Variants in CACNA1E observed in about 807,000 individuals in gnomAD.
CACNA1E encodes voltage-dependent R-type calcium channel subunit alpha-1E.
A neutral mutation model predicts 259.2 loss-of-function variants in CACNA1E; 40 were observed. The ratio of observed to expected loss-of-function variants is 0.15; its 90% CI spans 0.12 to 0.20. The LOEUF (loss-of-function observed/expected upper bound fraction) is 0.20. CACNA1E is among the 10% of genes least tolerant of loss of function. The pLI is 1.00. For missense variants in CACNA1E, 1,874 were observed against 3,040.1 expected, an observed-to-expected ratio of 0.62 and a Z score of 9.02; for synonymous variants, 1,104 against 1,138.5, an observed-to-expected ratio of 0.97 and a Z score of 0.61.
At chr1:181,598,632 C>T (rs969994981) in intron 6 of CACNA1E, among the ~76,000 whole-genome samples, 1 of 152,176 alleles carries the variant, frequency 6.6e-6, no homozygotes, top group Non-Finnish European at 1.5e-5. Context: ...TCAGGGAAAT[C>T]ATCTCATTAC....
intron 32 of CACNA1E, among the ~76,000 whole-genome samples, chr1:181,760,450 G>A (rs768954793): frequency 6.6e-6 from 1 of 152,080 alleles, no homozygotes; most frequent in Non-Finnish European, 1.5e-5. Flanking sequence ...TGCCATTATT[G>A]TTGTTGTTAT....
chr1:181,523,070 G>C (rs1015165334), intron 3 of CACNA1E, among the ~76,000 whole-genome samples: 1 of 152,236 alleles, frequency 6.6e-6, no homozygotes, highest in African/African-American at 2.4e-5. Flanking sequence ...GTGTGTATGA[G>C]AGACTCATTC....
chr1:181,432,922 CA>C (rs1383062273), intron 2 of CACNA1E, among the ~76,000 whole-genome samples: 1 of 152,118 alleles, frequency 6.6e-6, no homozygotes, highest in African/African-American at 2.4e-5. Context: ...TCCAATGCAC[CA>C]AAAATATTAT....
At chr1:181,676,350 T>C (rs1015208960) in intron 7 of CACNA1E, among the ~76,000 whole-genome samples, 1 of 152,216 alleles carries the variant, frequency 6.6e-6, no homozygotes, top group African/African-American at 2.4e-5. Context: ...TTCCTCATTA[T>C]AATGGCCAGG....
chr1:181,604,562 T>G (rs1194413012), intron 6 of CACNA1E, among the ~76,000 whole-genome samples: 2 of 152,234 alleles, frequency 1.3e-5, no homozygotes, highest in African/African-American at 4.8e-5. Context: ...GTGCCAGGCC[T>G]CACACTGCAT....
chr1:181,614,523 A>G (rs1655036301), intron 6 of CACNA1E, among the ~76,000 whole-genome samples: 1 of 152,226 alleles, frequency 6.6e-6, no homozygotes, highest in Non-Finnish European at 1.5e-5. Context: ...AGAGATGATT[A>G]TTGTCACATG....
chr1:181,676,235 T>C (rs1310295953), intron 7 of CACNA1E, among the ~76,000 whole-genome samples: 1 of 152,148 alleles, frequency 6.6e-6, no homozygotes, highest in African/African-American at 2.4e-5. Flanking sequence ...CATACTCAAA[T>C]TGGAAATGCA....
chr1:181,336,772 T>G (rs1306735892), intron 1 of CACNA1E, among the ~76,000 whole-genome samples: 1 of 152,086 alleles, frequency 6.6e-6, no homozygotes, highest in Non-Finnish European at 1.5e-5. Context: ...ACTTTCTGTC[T>G]CTCTGAATTT....
At chr1:181,667,616 A>T (rs929554962) in intron 7 of CACNA1E, among the ~76,000 whole-genome samples, 6 of 152,168 alleles carry the variant, frequency 3.9e-5, no homozygotes. Context: ...GAGGGGAGGT[A>T]GAGAAGAAAA....
At chr1:181,445,025 T>C (rs1354035529) in intron 2 of CACNA1E, among the ~76,000 whole-genome samples, 1 of 152,136 alleles carries the variant, frequency 6.6e-6, no homozygotes, top group Non-Finnish European at 1.5e-5. Context: ...TAGTTTTAGA[T>C]ATGTTCCTAA....
At chr1:181,797,294 A>C (rs1661895875) in intron 47 of CACNA1E, among the ~76,000 whole-genome samples, 2 of 152,346 alleles carry the variant, frequency 1.3e-5, no homozygotes, top group South Asian at 4.1e-4. Context: ...CAGCCGTCCC[A>C]GCAAGATCAT....
At chr1:181,470,637 T>G (rs1348755518) in intron 2 of CACNA1E, among the ~76,000 whole-genome samples, 1 of 152,198 alleles carries the variant, frequency 6.6e-6, no homozygotes, top group Non-Finnish European at 1.5e-5. Flanking sequence ...TTTTTGTCTG[T>G]GCCATCTTGT....
At chr1:181,489,949 A>G (rs1277425209) in intron 1 of CACNA1E, among the ~76,000 whole-genome samples, 1 of 152,188 alleles carries the variant, frequency 6.6e-6, no homozygotes, top group Non-Finnish European at 1.5e-5. Flanking sequence ...CACAGAGAGG[A>G]TGCACGTGTG....
Position 181,717,389 on chromosome 1 carries a change from C to A in CACNA1E, c.1525+87C>A, listed in dbSNP as rs555528626. On this transcript the variant is annotated intron_variant, in intron 11 of 47. Transcript: ENST00000367573. ...TGTGTGAACGCAAGACAGCAAAGCACCCTGCTAGGAAAGGTTCTACCTCTT... is the reference window on the plus strand; with the variant it reads ...TGTGTGAACGCAAGACAGCAAAGCAACCTGCTAGGAAAGGTTCTACCTCTT... 3.6e-6 allele frequency: 4 copies of A among 1,097,442 alleles called. No individual in the cohort carries two copies. In the African/African-American group the frequency reaches 4.6e-5, roughly 13 times the overall value. The allele number at this position is 1,097,442 out of a possible 1,614,324, so 68.0% of individuals were successfully genotyped here.
chr1:181,458,557 A>G (rs1661603383), intron 2 of CACNA1E, among the ~76,000 whole-genome samples: 1 of 152,352 alleles, frequency 6.6e-6, no homozygotes, highest in African/African-American at 2.4e-5. Flanking sequence ...AGCAGACAGC[A>G]AGGCAGGATT....
intron 5 of CACNA1E, 100 bp from the exon 6 acceptor site, chr1:181,580,495 G>A (rs74130055): frequency 1.9e-5 from 22 of 1,162,354 alleles, no homozygotes; most frequent in East Asian, 4.7e-5. Context: ...GCCTCTTTCC[G>A]TGGGGGAATG....
chr1:181,457,762 G>A (rs1266557016), intron 2 of CACNA1E, among the ~76,000 whole-genome samples: 1 of 152,244 alleles, frequency 6.6e-6, no homozygotes. Flanking sequence ...GAAGTTGAAC[G>A]AATGTCTGAG....
chr1:181,443,774 T>C (rs921632569), intron 2 of CACNA1E, among the ~76,000 whole-genome samples: 1 of 152,188 alleles, frequency 6.6e-6, no homozygotes, highest in Non-Finnish European at 1.5e-5. Context: ...TCCGTCAAAC[T>C]CCAGGATCCA....
In CACNA1E at chr1:181,764,222, AC is replaced by A. The variant is rs576835375; in HGVS notation, c.4815+692del. On this transcript the variant is annotated intron_variant, in intron 34 of 47. Coordinates refer to ENST00000367573, the MANE Select transcript of CACNA1E (RefSeq NM_001205293.3). The stretch of plus-strand genomic sequence containing the variant: ...CAGACTTTGAGTAAAAGTTTCTTAA[AC>A]ATACTGAAATATCTTTGGACTCTAG... Among the ~76,000 whole-genome samples the A allele has an allele frequency of 1.5e-4, 23 of 152,306 alleles. No individual in the cohort carries two copies. The East Asian group carries it at 4.4e-3, about 29-fold the overall frequency.
Sources: gnomAD v4.1 joint callset for allele counts (sites outside exome capture counted in the v4.1 genomes callset) on GRCh38, gnomAD v4.1.1 for gene constraint, MANE v1.5 for transcripts, NCBI Gene and HGNC (gene_info 2026-07-23, HGNC 2026-07-21) for gene names.